The following KIRREL3 variants were observed in gnomAD, a reference collection of about 807,000 sequenced individuals.
KIRREL3 encodes the protein kin of IRRE-like protein 3.
In KIRREL3, 36 loss-of-function variants were observed where a neutral mutation model predicts 89.7. That is an observed-to-expected ratio of 0.40 (90% confidence interval 0.31 to 0.53). The LOEUF (loss-of-function observed/expected upper bound fraction) is 0.53, where lower values mean the gene tolerates loss of function less well. KIRREL3 is among the 20% of genes least tolerant of loss of function. KIRREL3 has a pLI of 0.49. For synonymous variants in KIRREL3, 445 were observed against 441.4 expected (o/e 1.01, Z -0.10); for missense variants, 864 against 1,056.6 (o/e 0.82, Z 2.53).
At chr11:126,588,961 G>A (rs540968105) in intron 1 of KIRREL3, among the ~76,000 whole-genome samples, 124 of 152,286 alleles carry the variant, frequency 8.1e-4, no homozygotes, top group African/African-American at 2.9e-3. Flanking sequence ...GAGAAAGAGA[G>A]AACAGCAATT....
In KIRREL3 at chr11:126,922,029, CCTAT is replaced by C. The variant is rs61158972; in HGVS notation, c.55+78422_55+78425del. ...TATCATCTATCTTCCTATCTATCTT[CCTAT>C]CTATCTATCTTCCTATCTATCTATC... On this transcript the variant is annotated intron_variant, in intron 1 of 16. Coordinates refer to ENST00000525144, the MANE Select transcript of KIRREL3 (RefSeq NM_032531.4). 9.2e-3 allele frequency among the ~76,000 whole-genome samples: 1,331 copies of C among 144,454 alleles called. 23 individuals are homozygous for C. The highest frequency in any genetic ancestry group is 0.016 in the Middle Eastern group (4 of 250). 94.8% of individuals were successfully genotyped at this position (144,454 alleles called of 152,430 possible). A position where few individuals can be genotyped will look rare whatever the true frequency, so the allele number is the denominator to read the frequency against.
rs1045664249 is a variant in KIRREL3 at position 126,611,887 on chromosome 11, C to T, written c.56-48975G>A. Among the ~76,000 whole-genome samples the T allele has an allele frequency of 6.6e-6, 1 of 152,174 alleles. No individual in the cohort carries two copies. Among genetic ancestry groups the T allele is most frequent in the Admixed American group, 6.5e-5 (1 of 15,284 alleles). On this transcript the variant is annotated intron_variant, in intron 1 of 16. Transcript: ENST00000525144. The surrounding 1 kb of genome is among the most constrained non-coding windows in gnomAD (Gnocchi z 4.7). ...TGTAGGTGCTACTGTCGCTCTAGGA[C>T]CTGCCGATGCCCTCTGTCCTTCTCT...
intron 4 of KIRREL3, among the ~76,000 whole-genome samples, chr11:126,494,136 T>A (rs1483143420): frequency 6.6e-6 from 1 of 152,194 alleles, no homozygotes; most frequent in East Asian, 1.9e-4. Flanking sequence ...TTAAGAATTG[T>A]TTAAGATGGT....
intron 1 of KIRREL3, among the ~76,000 whole-genome samples, chr11:126,718,817 C>T (rs1280249553): frequency 6.6e-6 from 1 of 152,124 alleles, no homozygotes; most frequent in Non-Finnish European, 1.5e-5. Context: ...ACCACCCCGG[C>T]CAGGAGCCCC....
At chr11:126,439,692 C>G (rs1227390589) in intron 11 of KIRREL3, among the ~76,000 whole-genome samples, 2 of 151,634 alleles carry the variant, frequency 1.3e-5, no homozygotes, top group Non-Finnish European at 2.9e-5. Context: ...TGGCAGATGC[C>G]TGTAATCCCA....
intron 1 of KIRREL3, among the ~76,000 whole-genome samples, chr11:126,854,692 G>A (rs1007191835): frequency 1.3e-5 from 2 of 152,140 alleles, no homozygotes; most frequent in Middle Eastern, 3.2e-3. Context: ...ACGGATGTAC[G>A]AACATCTGTT....
intron 2 of KIRREL3, among the ~76,000 whole-genome samples, chr11:126,559,681 T>C (rs1417728032): frequency 6.6e-6 from 1 of 152,098 alleles, no homozygotes; most frequent in Non-Finnish European, 1.5e-5. Context: ...CTCTACTTTT[T>C]TTTTTTTAGA....
rs1949239116 is a variant in KIRREL3 at position 126,965,526 on chromosome 11, T to C, written c.55+34929A>G. 6.6e-6 allele frequency among the ~76,000 whole-genome samples: 1 copy of C among 152,180 alleles called. No individual in the cohort carries two copies. Among genetic ancestry groups the C allele is most frequent in the South Asian group, 2.1e-4 (1 of 4,826 alleles). On this transcript the variant is annotated intron_variant, in intron 1 of 16. Transcript: ENST00000525144. This position sits in a 1 kb window ranked among gnomAD's most constrained non-coding sequence, Gnocchi z 4.4. ...GAGAAACCAGTATCCTGGAACCCTA[T>C]TGTGAAAGACTAACACGTGCGTCAT... is the stretch of plus-strand genomic sequence containing the variant.
intron 1 of KIRREL3, among the ~76,000 whole-genome samples, chr11:126,702,892 T>C (rs1031195042): frequency 5.3e-5 from 8 of 152,348 alleles, no homozygotes; most frequent in African/African-American, 1.9e-4. Context: ...GGAGAAAGCC[T>C]GTAGGAGGGG....
chr11:126,440,062 A>C, intron 11 of KIRREL3: 1 of 399,390 alleles, frequency 2.5e-6, no homozygotes, highest in Non-Finnish European at 4.8e-6. Context: ...CAGGAGGCAC[A>C]GAAAGGGGTT....
chr11:126,634,682 G>A (rs576320761), intron 1 of KIRREL3, among the ~76,000 whole-genome samples: 1 of 152,294 alleles, frequency 6.6e-6, no homozygotes, highest in African/African-American at 2.4e-5. Flanking sequence ...TGTGCACCTG[G>A]CAAAGAGTGC....
rs921833622 is a variant in KIRREL3, at chr11:126,566,768, G to A, written c.56-3856C>T. On this transcript the variant is annotated intron_variant, in intron 1 of 16. Coordinates refer to ENST00000525144, the MANE Select transcript of KIRREL3 (RefSeq NM_032531.4). The surrounding 1 kb of genome is among the most constrained non-coding windows in gnomAD (Gnocchi z 4.9). The stretch of plus-strand genomic sequence containing the variant: ...TTACTAGTAATGTAGTGATACGGTG[G>A]TATTATTTCATATTTGTGGGATACT... Among the ~76,000 whole-genome samples, 31 of 152,156 alleles carry A rather than the reference G, an allele frequency of 2.0e-4. No homozygotes were observed. Among genetic ancestry groups the A allele is most frequent in the Non-Finnish European group, 2.9e-5 (2 of 68,032 alleles).
intron 1 of KIRREL3, among the ~76,000 whole-genome samples, chr11:126,986,711 G>A (rs1315280487): frequency 6.6e-6 from 1 of 152,192 alleles, no homozygotes; most frequent in Non-Finnish European, 1.5e-5. Flanking sequence ...CCACATCATA[G>A]GTATGACCTT....
intron 1 of KIRREL3, among the ~76,000 whole-genome samples, chr11:126,915,329 A>G (rs1324206601): frequency 1.3e-5 from 2 of 152,056 alleles, no homozygotes; most frequent in African/African-American, 4.8e-5. Context: ...ATTTCTTTTC[A>G]TTAAAATTAG....
Position 126,424,940 on chromosome 11 carries a change from G to C in KIRREL3, c.1977C>G (p.Pro659=), listed in dbSNP as rs767929793. ...GCTGCTTGCCCGCAGGACGCAGGTC[G>C]GGCTGGCAGCTGGAGAGGGAGATGG... The part of the protein sequence containing the change: ...TPTISLSSCQ[P]DLRPAGKQRV... Residue 659 remains proline, a synonymous_variant, in exon 17 of 17, where the codon CCC becomes CCG. Transcript: ENST00000525144. The C allele has an allele frequency of 3.8e-6, 6 of 1,598,902 alleles. No individual in the cohort carries two copies. The highest frequency in any genetic ancestry group is 5.1e-6 in the Non-Finnish European group (6 of 1,169,468).
Position 126,676,684 on chromosome 11 carries a change from G to A in KIRREL3, c.56-113772C>T, listed in dbSNP as rs567284673. ...GAGGTAACTGCCTTGGCCTCCCTAA[G>A]CCAAAGATGCATCTGGGCCCCATAT... On this transcript the variant is annotated intron_variant, in intron 1 of 16. Coordinates refer to ENST00000525144, the MANE Select transcript of KIRREL3 (RefSeq NM_032531.4). This position sits in a 1 kb window ranked among gnomAD's most constrained non-coding sequence, Gnocchi z 4.5. Among the ~76,000 whole-genome samples, 1 of 152,238 alleles carries A rather than the reference G, an allele frequency of 6.6e-6. No individual in the cohort carries two copies. Among genetic ancestry groups the A allele is most frequent in the African/African-American group, 2.4e-5 (1 of 41,544 alleles).
chr11:126,581,302 A>C lies in KIRREL3; in HGVS notation c.56-18390T>G, dbSNP rs537590903. Among the ~76,000 whole-genome samples, 201 of 152,238 alleles carry C rather than the reference A, an allele frequency of 1.3e-3. 2 individuals are homozygous for C. The highest frequency in any genetic ancestry group is 2.0e-3 in the Non-Finnish European group (139 of 68,018). On this transcript the variant is annotated intron_variant, in intron 1 of 16. Transcript: ENST00000525144. ...ACTGCAACCTCTACCTCCTGGGTTCAAGTGATTTTCCCACCTCAGCCTCCT... is the reference window on the plus strand; with the variant it reads ...ACTGCAACCTCTACCTCCTGGGTTCCAGTGATTTTCCCACCTCAGCCTCCT...
rs1375021781 is a variant in KIRREL3, at chr11:126,489,995, G to C, written c.434-16529C>G. 6.6e-6 allele frequency among the ~76,000 whole-genome samples: 1 copy of C among 152,148 alleles called. No individual in the cohort carries two copies. The highest frequency in any genetic ancestry group is 2.4e-5 in the African/African-American group (1 of 41,446). On this transcript the variant is annotated intron_variant, in intron 4 of 16. Transcript: ENST00000525144. The surrounding 1 kb of genome is among the most constrained non-coding windows in gnomAD (Gnocchi z 5.5). ...CTGCATACGTTGGGGAAAATGAGAC[G>C]TGTTGCTTGGAAGCAGCCCATGAGC...
chr11:126,445,713 C>T (rs1295316186), intron 9 of KIRREL3, among the ~76,000 whole-genome samples: 1 of 152,228 alleles, frequency 6.6e-6, no homozygotes, highest in Non-Finnish European at 1.5e-5. Context: ...TAGGATAATG[C>T]AGCGTCTGCT....
Sources: allele counts gnomAD v4.1 joint callset (sites outside exome capture counted in the v4.1 genomes callset), GRCh38; gene constraint gnomAD v4.1.1; non-coding constraint Gnocchi (gnomAD v3.1); transcripts MANE v1.5; gene names NCBI Gene and HGNC (gene_info 2026-07-23, HGNC 2026-07-21).